SLC9C2: variants seen among roughly 807,000 people sequenced by gnomAD.
The protein encoded by SLC9C2 is solute carrier family 9 member C2 (putative), also known as sodium/hydrogen exchanger 11.
SLC9C2 carries 75 observed loss-of-function variants against 140.2 expected under a neutral mutation model. That is an observed-to-expected ratio of 0.53 (90% confidence interval 0.44 to 0.65). The LOEUF (loss-of-function observed/expected upper bound fraction) is 0.65. Ranked by LOEUF, SLC9C2 falls within the 30% of genes least tolerant of loss-of-function variation. The probability of loss-of-function intolerance (pLI) is 0.00; values close to 1 mark genes in which losing one functional copy is unlikely to be tolerated. For missense variants in SLC9C2, 1,074 were observed against 1,331.8 expected, an observed-to-expected ratio of 0.81 and a Z score of 3.01; for synonymous variants, 375 against 420.9, an observed-to-expected ratio of 0.89 and a Z score of 1.34.
At chr1:173,519,308 A>G (rs1349753822) in intron 22 of SLC9C2, among the ~76,000 whole-genome samples, 1 of 152,126 alleles carries the variant, frequency 6.6e-6, no homozygotes, top group Non-Finnish European at 1.5e-5. Context: ...ACTTCTGTTC[A>G]ATAGCCGTAA....
chr1:173,545,063 A>C (rs928394718), intron 13 of SLC9C2, among the ~76,000 whole-genome samples: 1 of 152,160 alleles, frequency 6.6e-6, no homozygotes, highest in African/African-American at 2.4e-5. Context: ...TCTGCTTCCA[A>C]ATCAAATCAA....
intron 8 of SLC9C2, among the ~76,000 whole-genome samples, chr1:173,575,286 C>CCCAGACCTAAGATGCAACAT (rs1326401314): frequency 1.3e-5 from 2 of 151,876 alleles, no homozygotes; most frequent in African/African-American, 4.8e-5. Flanking sequence ...TTTTCGTGGC[C>CCCAGACCTAAGATGCAACAT]CCAGACCTAA....
At position 173,535,918 on chromosome 1, in the gene SLC9C2, T is replaced by C; in HGVS notation, c.1687A>G (p.Met563Val). Reference sequence around the variant, plus strand: ...TTTATAAGCCAACTTCTAGTTCTCATATAAGTTGAAACATCATAAATACTC... The same window carrying C: ...TTTATAAGCCAACTTCTAGTTCTCACATAAGTTGAAACATCATAAATACTC... ...FMSIYDVSTY[M>V]RTRSWLIKFK... The change falls in exon 15 of 28, where the codon ATG (methionine) becomes GTG (valine). Residue 563 changes from methionine (M) to valine (V), a missense_variant. By Grantham distance (21) the Met-to-Val change is conservative. Coordinates refer to ENST00000367714, the MANE Select transcript of SLC9C2 (RefSeq NM_178527.4). The C allele has an allele frequency of 6.6e-7, 1 of 1,507,364 alleles. No individual in the cohort carries two copies. The highest frequency in any genetic ancestry group is 8.9e-7 in the Non-Finnish European group (1 of 1,122,428). The allele number at this position is 1,507,364 out of a possible 1,614,324, so 93.4% of individuals were successfully genotyped here.
intron 21 of SLC9C2, 113 bp from the exon 22 acceptor site, chr1:173,521,512 A>G (rs1226067888): frequency 1.1e-5 from 3 of 269,992 alleles, no homozygotes; most frequent in Non-Finnish European, 2.1e-5. Flanking sequence ...TTTATTATAT[A>G]TGTGTGTGTG....
rs1250434409 is a variant in SLC9C2 at position 173,573,246 on chromosome 1, T to C, written c.982A>G (p.Ser328Gly). 6.3e-7 allele frequency: 1 copy of C among 1,587,052 alleles called. No individual in the cohort carries two copies. Among genetic ancestry groups the C allele is most frequent in the Non-Finnish European group, 8.6e-7 (1 of 1,156,686 alleles). The part of the protein sequence containing the change: ...FGIVIGCGEL[S>G]HYEFHTIPFI... ...GGTATAGTGTGAAATTCATAGTGGCTGAGTTCTCCACATCCAATCACAATG... is the reference window on the plus strand; with the variant it reads ...GGTATAGTGTGAAATTCATAGTGGCCGAGTTCTCCACATCCAATCACAATG... Residue 328 changes from serine (S) to glycine (G), a missense_variant, in exon 9 of 28, where the codon AGC becomes GGC. Transcript: ENST00000367714.
chr1:173,565,907 A>G (rs1470789941), intron 9 of SLC9C2, among the ~76,000 whole-genome samples: 1 of 152,064 alleles, frequency 6.6e-6, no homozygotes, highest in Non-Finnish European at 1.5e-5. Context: ...ATTTTATCAA[A>G]TGCTTTTTCA....
intron 4 of SLC9C2, among the ~76,000 whole-genome samples, chr1:173,595,513 A>G (rs1208376499): frequency 1.3e-5 from 2 of 152,162 alleles, no homozygotes; most frequent in South Asian, 2.1e-4. Flanking sequence ...TGGAAATATG[A>G]TATTTTACAT....
chr1:173,554,853 T>A, intron 10 of SLC9C2, 39 bp from the exon 11 acceptor site: 1 of 1,195,390 alleles, frequency 8.4e-7, no homozygotes, highest in Non-Finnish European at 1.2e-6. Flanking sequence ...ACCAAAACAT[T>A]AAATAAGTTC....
intron 21 of SLC9C2, among the ~76,000 whole-genome samples, chr1:173,523,502 T>C (rs1280276604): frequency 6.6e-6 from 1 of 152,252 alleles, no homozygotes; most frequent in African/African-American, 2.4e-5. Flanking sequence ...TAGATATTTG[T>C]TGAAAGAATT....
At chr1:173,539,806 T>C (rs983670756) in intron 13 of SLC9C2, among the ~76,000 whole-genome samples, 2 of 152,150 alleles carry the variant, frequency 1.3e-5, no homozygotes, top group African/African-American at 4.8e-5. Context: ...TAGAAGGTAC[T>C]CTTAGGAAAG....
chr1:173,556,918 ATC>A (rs1663745670), intron 10 of SLC9C2, among the ~76,000 whole-genome samples: 1 of 151,122 alleles, frequency 6.6e-6, no homozygotes, highest in African/African-American at 2.4e-5. Flanking sequence ...ACAGAGTGAA[ATC>A]TTGTCTCAAA....
At chr1:173,577,032 T>C (rs1488947644) in intron 7 of SLC9C2, among the ~76,000 whole-genome samples, 1 of 152,222 alleles carries the variant, frequency 6.6e-6, no homozygotes, top group Non-Finnish European at 1.5e-5. Flanking sequence ...CAGCCATAGA[T>C]AATATGTAAA....
rs1206185366 is a variant in SLC9C2, at chr1:173,552,542, GA to G, written c.1297+2190del. On this transcript the variant is annotated intron_variant, in intron 11 of 27. Coordinates refer to ENST00000367714, the MANE Select transcript of SLC9C2 (RefSeq NM_178527.4). Reference sequence around the variant, plus strand: ...GAAGCCAATACTTACTTATCATTCTGAAAATCCTAAGACTCTTAAGAATTAA... The same window carrying G: ...GAAGCCAATACTTACTTATCATTCTGAAATCCTAAGACTCTTAAGAATTAA... Among the ~76,000 whole-genome samples, 3 of 152,312 alleles carry G rather than the reference GA, an allele frequency of 2.0e-5. No individual in the cohort carries two copies. In the East Asian group the frequency reaches 5.8e-4, roughly 29 times the overall value.
At position 173,533,684 on chromosome 1, in the gene SLC9C2, T is replaced by C; in HGVS notation, c.2088A>G (p.Pro696=). The C allele has an allele frequency of 6.2e-7, 1 of 1,612,410 alleles. No homozygotes were observed. Among genetic ancestry groups the C allele is most frequent in the Non-Finnish European group, 8.5e-7 (1 of 1,178,706 alleles). The change falls in exon 17 of 28, where the codon CCA becomes CCG. Residue 696 remains proline, a synonymous_variant. Transcript: ENST00000367714. ...TAAGCTGTATAAGAGCCAAGTTGTC[T>C]GGTCTCAATTTCACAAAGTATACAC... ...IFCVYFVKLR[P]DNLALIQLTV...
chr1:173,541,193 A>C (rs1429068725), intron 13 of SLC9C2, among the ~76,000 whole-genome samples: 4 of 152,070 alleles, frequency 2.6e-5, no homozygotes, highest in African/African-American at 2.4e-5. Flanking sequence ...AAAAAAAAAA[A>C]GCAGGGGTTG....
intron 3 of SLC9C2, among the ~76,000 whole-genome samples, chr1:173,599,362 A>AT (rs61579339): frequency 0.022 from 1,481 of 67,960 alleles, 488 homozygotes; most frequent in Middle Eastern, 0.045. Context: ...ATTTTCCTTG[A>AT]TTTTTTTTTT....
intron 11 of SLC9C2, among the ~76,000 whole-genome samples, chr1:173,550,453 T>TTTA (rs1553253736): frequency 7.2e-6 from 1 of 138,702 alleles, no homozygotes; most frequent in Non-Finnish European, 1.5e-5. Flanking sequence ...TATTTATTTA[T>TTTA]TTTTGAGGAG....
chr1:173,581,139 T>C (rs1665505427), intron 7 of SLC9C2, among the ~76,000 whole-genome samples: 1 of 152,204 alleles, frequency 6.6e-6, no homozygotes, highest in Non-Finnish European at 1.5e-5. Flanking sequence ...AATTAACCTC[T>C]TGATACCTGA....
chr1:173,564,713 C>T (rs182652104), intron 9 of SLC9C2, among the ~76,000 whole-genome samples: 6 of 147,654 alleles, frequency 4.1e-5, no homozygotes, highest in African/African-American at 1.5e-4. Flanking sequence ...TCTCGGCTCA[C>T]TGCAAGCTCT....
Sources: allele counts gnomAD v4.1 joint callset (sites outside exome capture counted in the v4.1 genomes callset), GRCh38; gene constraint gnomAD v4.1.1; transcripts MANE v1.5; gene names NCBI Gene and HGNC (gene_info 2026-07-23, HGNC 2026-07-21).